The following ARL10 variants were observed in gnomAD, a reference collection of about 807,000 sequenced individuals.
ARL10 encodes the protein ARF like GTPase 10.
A neutral mutation model predicts 26.1 loss-of-function variants in ARL10; 23 were observed. That is an observed-to-expected ratio of 0.88 (90% CI 0.63 to 1.25). The LOEUF (loss-of-function observed/expected upper bound fraction) is 1.25. Ranked by LOEUF, ARL10 falls within the 50% of genes most tolerant of loss-of-function variation. The pLI, the probability that ARL10 is intolerant of heterozygous loss-of-function variation, is 0.00. For missense variants in ARL10, 300 were observed against 323.6 expected, an observed-to-expected ratio of 0.93 and a Z score of 0.56; for synonymous variants, 138 against 149.1, an observed-to-expected ratio of 0.93 and a Z score of 0.54.
chr5:176,372,159 T>C lies in ARL10; in HGVS notation c.*264T>C. On this transcript the variant is annotated 3_prime_UTR_variant, in exon 4 of 4. Transcript: ENST00000310389. ...GGCTCATTCCAGGCTGGAATGTGGATCCAGCTTTCCCTTCTCTTACCTGTA... is the reference window on the plus strand; with the variant it reads ...GGCTCATTCCAGGCTGGAATGTGGACCCAGCTTTCCCTTCTCTTACCTGTA... The C allele has an allele frequency of 8.3e-7, 1 of 1,205,880 alleles. No homozygotes were observed. Among genetic ancestry groups the C allele is most frequent in the Non-Finnish European group, 1.1e-6 (1 of 921,240 alleles). The allele number at this position is 1,205,880 out of a possible 1,614,324, so 74.7% of individuals were successfully genotyped here. A position where few individuals can be genotyped will look rare whatever the true frequency, so the allele number is the denominator to read the frequency against.
chr5:176,366,631 C>T, intron 2 of ARL10, 50 bp downstream of exon 2: 1 of 1,593,964 alleles, frequency 6.3e-7, no homozygotes, highest in Non-Finnish European at 8.6e-7. Context: ...TGGACCAGTC[C>T]TGGATTCTCT....
At chr5:176,402,640 G>A (rs1756883506), downstream of ARL10, among the ~76,000 whole-genome samples, 1 of 152,226 alleles carries the variant, frequency 6.6e-6, no homozygotes, top group South Asian at 2.1e-4. Context: ...AGCACCGGGA[G>A]GGCCTGGCTG....
At chr5:176,389,201 T>TC, downstream of ARL10, 1 of 1,197,446 alleles carries the variant, frequency 8.4e-7, no homozygotes. Context: ...AGACCTCGAC[T>TC]CGACCTACCC....
intron 1 of ARL10, among the ~76,000 whole-genome samples, chr5:176,387,602 TAGGC>T (rs10603932): frequency 0.1 from 15,981 of 152,250 alleles, 1,007 homozygotes; most frequent in African/African-American, 0.16. Context: ...ATTTTATAGA[TAGGC>T]AGGCAGAGAA....
intron 1 of ARL10, among the ~76,000 whole-genome samples, chr5:176,398,821 CACTT>C (rs1756675040): frequency 6.6e-6 from 1 of 152,118 alleles, no homozygotes; most frequent in South Asian, 2.1e-4. Context: ...TAACTCCTAA[CACTT>C]AGTCCAAAAA....
At chr5:176,394,344 GTTTTCACGAGACCCCCT>G (rs1315789098) in intron 1 of ARL10, among the ~76,000 whole-genome samples, 1 of 152,196 alleles carries the variant, frequency 6.6e-6, no homozygotes, top group African/African-American at 2.4e-5. Context: ...CAGAATCAGG[GTTTTCACGAGACCCCCT>G]GGTAATTCAT....
At chr5:176,383,984 C>T (rs1581402272), downstream of ARL10, 4 of 1,532,372 alleles carry the variant, frequency 2.6e-6, no homozygotes, top group Non-Finnish European at 1.7e-6. Context: ...ACTATATTTA[C>T]ATCACCCACC....
downstream of ARL10, chr5:176,388,928 G>C: frequency 6.2e-7 from 1 of 1,614,194 alleles, no homozygotes; most frequent in South Asian, 1.1e-5. Flanking sequence ...GAGTTTCAAG[G>C]AAAAGTTCGT....
At chr5:176,386,967 C>G (rs376639458) in intron 1 of ARL10, 44 of 1,458,476 alleles carry the variant, frequency 3.0e-5, no homozygotes, top group Non-Finnish European at 3.4e-5. Context: ...AAGTTATAGA[C>G]TCCTGCTTAT....
intron 1 of ARL10, 30 bp from the exon 2 acceptor site, chr5:176,366,350 A>C: frequency 6.3e-7 from 1 of 1,585,680 alleles, no homozygotes; most frequent in Non-Finnish European, 8.5e-7. Context: ...GGAGGCCGCC[A>C]GCCGCAACCT....
chr5:176,384,238 A>C (rs1561780115), downstream of ARL10: 1 of 1,613,786 alleles, frequency 6.2e-7, no homozygotes, highest in Non-Finnish European at 8.5e-7. Flanking sequence ...CAGTCACTCC[A>C]CCTCCATCTT....
downstream of ARL10, among the ~76,000 whole-genome samples, chr5:176,403,049 A>ATTTTTT (rs34807992): frequency 7.2e-6 from 1 of 138,010 alleles, no homozygotes; most frequent in African/African-American, 2.7e-5. Flanking sequence ...GCCTGCCCTA[A>ATTTTTT]TTTTTTTTTT....
chr5:176,391,093 C>T (rs1163641671), downstream of ARL10, among the ~76,000 whole-genome samples: 3 of 152,170 alleles, frequency 2.0e-5, no homozygotes, highest in African/African-American at 4.8e-5. Context: ...CTTGAACCCC[C>T]CAACAGTCTA....
At chr5:176,384,661 T>C (rs547869055), downstream of ARL10, 1 of 444,796 alleles carries the variant, frequency 2.2e-6, no homozygotes, top group African/African-American at 2.0e-5. Context: ...TCCCAGCTAC[T>C]TGGGAGGCCG....
the ARL10 span, among the ~76,000 whole-genome samples, chr5:176,412,915 G>A: frequency 1.3e-5 from 2 of 152,086 alleles, no homozygotes; most frequent in African/African-American, 4.8e-5. Flanking sequence ...TCCCTGTGAT[G>A]CCGGTCTGTA....
downstream of ARL10, chr5:176,388,805 T>A: frequency 6.2e-7 from 1 of 1,609,148 alleles, no homozygotes; most frequent in Non-Finnish European, 8.5e-7. Flanking sequence ...TTTCTCCTGC[T>A]GCTGTGGCCC....
chr5:176,392,620 T>C (rs5866), downstream of ARL10: 267,226 of 786,542 alleles, frequency 0.34, 46,713 homozygotes, highest in African/African-American at 0.45. This position sits in a 1 kb window ranked among gnomAD's most constrained non-coding sequence, Gnocchi z 5.2. Context: ...CGAGGCGTGA[T>C]GGGGTGAGGG....
At chr5:176,414,507 C>T in the ARL10 span, among the ~76,000 whole-genome samples, 1 of 150,048 alleles carries the variant, frequency 6.7e-6, no homozygotes, top group Non-Finnish European at 1.5e-5. Context: ...TCACAGCACA[C>T]GGCGACCTAC....
chr5:176,398,118 G>C lies in ARL10; in HGVS notation c.134-3623G>C. 4.3e-6 allele frequency: 6 copies of C among 1,393,298 alleles called. No individual in the cohort carries two copies. The South Asian group carries it at 7.0e-5, about 16-fold the overall frequency. 86.3% of individuals were successfully genotyped at this position (1,393,298 alleles called of 1,614,324 possible). A position where few individuals can be genotyped will look rare whatever the true frequency, so the allele number is the denominator to read the frequency against. On this transcript the variant is annotated intron_variant, in intron 1 of 1. Transcript: ENST00000514533. The stretch of plus-strand genomic sequence containing the variant: ...CCGCTGTCTCTGCTGCCCCTGCTGG[G>C]GACCCACTCATGTCTGGATAACTCA...
Sources: gnomAD v4.1 joint callset for allele counts (sites outside exome capture counted in the v4.1 genomes callset) on GRCh38, gnomAD v4.1.1 for gene constraint, Gnocchi (gnomAD v3.1) non-coding constraint, MANE v1.5 for transcripts, NCBI Gene and HGNC (gene_info 2026-07-23, HGNC 2026-07-21) for gene names.